The following RABGAP1L variants were observed in gnomAD, a reference collection of about 807,000 sequenced individuals.
The protein encoded by RABGAP1L is RAB GTPase activating protein 1 like, also known as rab GTPase-activating protein 1-like.
RABGAP1L carries 63 observed loss-of-function variants against 137.7 expected under a neutral mutation model. The observed-to-expected ratio is 0.46, with a 90% CI of 0.37 to 0.56. RABGAP1L has a LOEUF of 0.56. RABGAP1L is among the 20% of genes least tolerant of loss of function. The pLI is 0.00. For synonymous variants in RABGAP1L, 431 were observed against 433.7 expected (o/e 0.99, Z 0.08); for missense variants, 1,095 against 1,244.0 (o/e 0.88, Z 1.80).
chr1:174,203,277 GC>G (rs1487430857), intron 1 of RABGAP1L, among the ~76,000 whole-genome samples: 1 of 151,798 alleles, frequency 6.6e-6, no homozygotes, highest in Non-Finnish European at 1.5e-5. Flanking sequence ...TTTCCCCATT[GC>G]TCATTTGTAT....
intron 11 of RABGAP1L, among the ~76,000 whole-genome samples, chr1:174,361,140 C>T (rs917035925): frequency 6.6e-6 from 1 of 151,296 alleles, no homozygotes; most frequent in Non-Finnish European, 1.5e-5. Flanking sequence ...GTCTCTGTGT[C>T]TTTTTTCATG....
chr1:174,366,171 C>T (rs1684593152), intron 11 of RABGAP1L, among the ~76,000 whole-genome samples: 1 of 152,162 alleles, frequency 6.6e-6, no homozygotes, highest in Non-Finnish European at 1.5e-5. Flanking sequence ...TTACTGAATT[C>T]ATTTTAATAA....
intron 13 of RABGAP1L, among the ~76,000 whole-genome samples, chr1:174,612,656 G>A (rs894246864): frequency 6.6e-6 from 1 of 152,126 alleles, no homozygotes; most frequent in African/African-American, 2.4e-5. Flanking sequence ...TGTACCTCTG[G>A]TAGAATTCGG....
At chr1:174,637,735 G>C (rs1674180611) in intron 14 of RABGAP1L, among the ~76,000 whole-genome samples, 1 of 152,156 alleles carries the variant, frequency 6.6e-6, no homozygotes, top group African/African-American at 2.4e-5. Context: ...TAACAGGAAA[G>C]GAACAAAAGG....
intron 15 of RABGAP1L, among the ~76,000 whole-genome samples, chr1:174,691,260 G>A (rs1678861133): frequency 6.6e-6 from 1 of 152,106 alleles, no homozygotes; most frequent in Non-Finnish European, 1.5e-5. Context: ...ACTAACTATG[G>A]GGATTACTTT....
intron 17 of RABGAP1L, among the ~76,000 whole-genome samples, chr1:174,734,792 G>T (rs939881803): frequency 6.6e-6 from 1 of 152,054 alleles, no homozygotes; most frequent in Non-Finnish European, 1.5e-5. Context: ...AATAGAAATA[G>T]AATTATTTAA....
intron 13 of RABGAP1L, among the ~76,000 whole-genome samples, chr1:174,568,731 AT>A (rs1667752784): frequency 6.6e-6 from 1 of 152,084 alleles, no homozygotes; most frequent in South Asian, 2.1e-4. Context: ...GTGTGTGTAC[AT>A]GTTTGTGTAT....
At chr1:174,393,890 T>C (rs938654920) in intron 12 of RABGAP1L, 105 bp from the exon 13 acceptor site, 12 of 1,316,634 alleles carry the variant, frequency 9.1e-6, no homozygotes, top group East Asian at 2.4e-5. Flanking sequence ...CTGTTTTCTC[T>C]TGACCCAAGC....
chr1:174,555,774 C>A (rs1350949854), intron 13 of RABGAP1L, among the ~76,000 whole-genome samples: 1 of 151,998 alleles, frequency 6.6e-6, no homozygotes, highest in Non-Finnish European at 1.5e-5. Context: ...TTAGGGACTA[C>A]ATTATGGTAG....
chr1:174,811,799 A>C (rs766954638), intron 18 of RABGAP1L, 33 bp from the exon 19 acceptor site: 39 of 1,497,586 alleles, frequency 2.6e-5, no homozygotes, highest in Non-Finnish European at 3.6e-6. Flanking sequence ...GCAGGCTGAA[A>C]TGTAATGACG....
chr1:174,478,598 A>G lies in RABGAP1L; in HGVS notation c.1710+84453A>G, dbSNP rs147847078. ...CAGCCTTGGTTTTCAAATTCTTTTC[A>G]GGAAGTCTTTTTATTAAATACGAAA... On this transcript the variant is annotated intron_variant, in intron 13 of 25. Transcript: ENST00000681986. Among the ~76,000 whole-genome samples the G allele has an allele frequency of 3.8e-3, 578 of 152,212 alleles. 4 individuals carry two copies. Among genetic ancestry groups the G allele is most frequent in the African/African-American group, 0.012 (498 of 41,534 alleles).
intron 4 of RABGAP1L, among the ~76,000 whole-genome samples, chr1:174,236,865 G>A (rs1467483215): frequency 3.7e-5 from 4 of 106,806 alleles, no homozygotes; most frequent in East Asian, 2.7e-4. Context: ...TGTTGACAGT[G>A]GGGTGTTAAA....
At chr1:174,914,237 G>T (rs1660499257) in intron 19 of RABGAP1L, among the ~76,000 whole-genome samples, 1 of 152,214 alleles carries the variant, frequency 6.6e-6, no homozygotes, top group Non-Finnish European at 1.5e-5. Context: ...CTCTCAAGCT[G>T]CTTCCATTGA....
Position 174,835,952 on chromosome 1 carries a change from G to A in RABGAP1L, c.2340+23992G>A, listed in dbSNP as rs528928443. Among the ~76,000 whole-genome samples, 46 of 152,316 alleles carry A rather than the reference G, an allele frequency of 3.0e-4. No homozygotes were observed. The South Asian group carries it at 3.7e-3, about 12-fold the overall frequency. ...CGGAAGCCACACATTGAGGGTGAAA[G>A]AACCACCTTCAGTTGAAATTCCTAA... On this transcript the variant is annotated intron_variant, in intron 19 of 25. Transcript: ENST00000681986.
intron 23 of RABGAP1L, among the ~76,000 whole-genome samples, chr1:174,979,879 T>C (rs1468494384): frequency 6.6e-6 from 1 of 152,224 alleles, no homozygotes; most frequent in African/African-American, 2.4e-5. Flanking sequence ...TCCAGGTTTC[T>C]AGAATTAATT....
intron 18 of RABGAP1L, among the ~76,000 whole-genome samples, chr1:174,793,761 T>C (rs1159683395): frequency 3.9e-5 from 6 of 152,084 alleles, no homozygotes; most frequent in Non-Finnish European, 5.9e-5. Flanking sequence ...AGTGTCATGA[T>C]CTTGGCTCAC....
Position 174,251,772 on chromosome 1 carries a change from G to A in RABGAP1L, c.876-708G>A, listed in dbSNP as rs190715751. Among the ~76,000 whole-genome samples the A allele has an allele frequency of 5.9e-5, 9 of 152,170 alleles. No homozygotes were observed. In the East Asian group the frequency reaches 1.7e-3, roughly 29 times the overall value. ...TGCTCTTCTCACTTCCTTTGCTTTGGATTTCACTGTTTTACAGGCACTTAT... is the reference window on the plus strand; with the variant it reads ...TGCTCTTCTCACTTCCTTTGCTTTGAATTTCACTGTTTTACAGGCACTTAT... On this transcript the variant is annotated intron_variant, in intron 6 of 25. Coordinates refer to ENST00000681986, the MANE Select transcript of RABGAP1L (RefSeq NM_001366446.1).
intron 15 of RABGAP1L, among the ~76,000 whole-genome samples, chr1:174,698,450 G>A (rs183646284): frequency 2.0e-5 from 3 of 152,178 alleles, no homozygotes; most frequent in Admixed American, 1.3e-4. Flanking sequence ...ATAGTCTCAC[G>A]CTATTTACCA....
At chr1:174,547,565 T>G (rs948516877) in intron 13 of RABGAP1L, among the ~76,000 whole-genome samples, 3 of 152,190 alleles carry the variant, frequency 2.0e-5, no homozygotes, top group Non-Finnish European at 4.4e-5. Flanking sequence ...AGCAGTGAGC[T>G]GTGATTGTGC....
Sources: allele counts gnomAD v4.1 joint callset (sites outside exome capture counted in the v4.1 genomes callset), GRCh38; gene constraint gnomAD v4.1.1; transcripts MANE v1.5; gene names NCBI Gene and HGNC (gene_info 2026-07-23, HGNC 2026-07-21).